The following SLC44A3 variants were observed in gnomAD, a reference collection of about 807,000 sequenced individuals.
SLC44A3 encodes the protein solute carrier family 44 member 3, also known as choline transporter-like protein 3.
A neutral mutation model predicts 75.4 loss-of-function variants in SLC44A3; 74 were observed. That is an observed-to-expected ratio of 0.98 (90% CI 0.81 to 1.19). SLC44A3 has a LOEUF of 1.19. Among genes scored for constraint, SLC44A3 ranks in the 50% most tolerant of loss-of-function variants. SLC44A3 has a pLI of 0.00. For missense variants in SLC44A3, 700 were observed against 778.6 expected, an observed-to-expected ratio of 0.90 and a Z score of 1.20; for synonymous variants, 310 against 296.9, an observed-to-expected ratio of 1.04 and a Z score of -0.45.
In SLC44A3 at chr1:94,865,395, A is replaced by C. The variant is rs988155978; in HGVS notation, c.1395+496A>C. The stretch of plus-strand genomic sequence containing the variant: ...TGGTGTGTGTGAGGAAGAACGAGGG[A>C]GAAAAGGAGAGGGTTTGAATGAGAG... On this transcript the variant is annotated intron_variant, in intron 11 of 14. Coordinates refer to ENST00000271227, the MANE Select transcript of SLC44A3 (RefSeq NM_001114106.3). Among the ~76,000 whole-genome samples the C allele has an allele frequency of 1.1e-4, 16 of 152,186 alleles. 1 individual carries two copies. In the Middle Eastern group the frequency reaches 0.01, roughly 97 times the overall value.
intron 12 of SLC44A3, among the ~76,000 whole-genome samples, chr1:94,884,161 C>T (rs1009046557): frequency 2.6e-5 from 4 of 152,224 alleles, no homozygotes; most frequent in African/African-American, 4.8e-5. Flanking sequence ...TCATGTTTGT[C>T]CTTCCTTCTT....
chr1:94,852,390 A>C (rs940996446), intron 9 of SLC44A3, among the ~76,000 whole-genome samples: 1 of 152,222 alleles, frequency 6.6e-6, no homozygotes, highest in African/African-American at 2.4e-5. Flanking sequence ...GTGCAGAGCC[A>C]TAAGACCATC....
intron 12 of SLC44A3, among the ~76,000 whole-genome samples, chr1:94,872,374 G>A (rs1448736972): frequency 1.3e-5 from 2 of 152,020 alleles, no homozygotes; most frequent in Non-Finnish European, 1.5e-5. Flanking sequence ...GGAATTACAG[G>A]TGTGAGCCAC....
At chr1:94,820,609 C>G in intron 1 of SLC44A3, 131 bp downstream of exon 1, 1 of 1,372,172 alleles carries the variant, frequency 7.3e-7, no homozygotes, top group Non-Finnish European at 9.4e-7. Flanking sequence ...CCGCTTAGTA[C>G]CTTGGGGCCA....
chr1:94,893,627 C>T (rs1176970323), intron 14 of SLC44A3, among the ~76,000 whole-genome samples: 5 of 152,034 alleles, frequency 3.3e-5, no homozygotes, highest in Admixed American at 1.3e-4. Context: ...CCATCTGCCT[C>T]GGCCTCCCAC....
rs1347516903 is a variant in SLC44A3 at position 94,883,685 on chromosome 1, T to TA, written c.1483-7438dup. ...ACTGCCTAAACTTAAAACCCTATGT[T>TA]AAAAAAACAATAAGTACTCTAACTT... On this transcript the variant is annotated intron_variant, in intron 12 of 14. Transcript: ENST00000271227. Among the ~76,000 whole-genome samples the TA allele has an allele frequency of 8.5e-5, 13 of 152,292 alleles. No homozygotes were observed. The East Asian group carries it at 1.4e-3, about 16-fold the overall frequency.
intron 11 of SLC44A3, among the ~76,000 whole-genome samples, chr1:94,865,268 A>C (rs1182519275): frequency 6.6e-6 from 1 of 152,160 alleles, no homozygotes; most frequent in Non-Finnish European, 1.5e-5. Context: ...TTTTAAGTAA[A>C]AAAATATACC....
chr1:94,828,655 C>T, intron 5 of SLC44A3, 69 bp downstream of exon 5: 1 of 1,357,646 alleles, frequency 7.4e-7, no homozygotes, highest in Admixed American at 1.8e-5. Flanking sequence ...GCATCTGTTA[C>T]TCTTCTAGGC....
intron 12 of SLC44A3, among the ~76,000 whole-genome samples, chr1:94,876,998 G>T (rs758464677): frequency 6.6e-6 from 1 of 151,922 alleles, no homozygotes; most frequent in African/African-American, 2.4e-5. Flanking sequence ...CTGCCTTGAT[G>T]TGCTAGCACT....
intron 4 of SLC44A3, 116 bp downstream of exon 4, chr1:94,827,759 T>C (rs1661565553): frequency 4.7e-6 from 6 of 1,266,858 alleles, no homozygotes; most frequent in Non-Finnish European, 6.6e-6. Flanking sequence ...TTTTACTTCC[T>C]TGTGGGTGCC....
intron 12 of SLC44A3, among the ~76,000 whole-genome samples, chr1:94,887,382 C>G (rs1184983455): frequency 6.6e-6 from 1 of 152,034 alleles, no homozygotes; most frequent in African/African-American, 2.4e-5. Context: ...CTGTTGCACT[C>G]AGGGTTGAAT....
intron 12 of SLC44A3, chr1:94,888,615 A>G (rs2101661331): frequency 1.0e-6 from 1 of 979,986 alleles, no homozygotes; most frequent in Admixed American, 6.1e-5. Context: ...TGTAAGTCCA[A>G]AACCAAAATT....
intron 4 of SLC44A3, 54 bp downstream of exon 4, chr1:94,827,697 G>A: frequency 6.3e-7 from 1 of 1,585,742 alleles, no homozygotes; most frequent in South Asian, 1.1e-5. Context: ...AAGCTGTGGG[G>A]ACCTAGATGA....
intron 12 of SLC44A3, among the ~76,000 whole-genome samples, chr1:94,875,273 G>A (rs374526261): frequency 3.3e-5 from 5 of 152,298 alleles, no homozygotes; most frequent in African/African-American, 1.2e-4. Context: ...CCCAAAGCCA[G>A]GGAAATCAAG....
chr1:94,842,970 G>GGGAGT (rs1417692768), intron 8 of SLC44A3: 1 of 152,272 alleles, frequency 6.6e-6, no homozygotes, highest in Non-Finnish European at 1.5e-5. Flanking sequence ...AAATGTGCCA[G>GGGAGT]GGAGTAAGGG....
At chr1:94,823,055 C>T (rs1180908085) in intron 2 of SLC44A3, among the ~76,000 whole-genome samples, 1 of 152,026 alleles carries the variant, frequency 6.6e-6, no homozygotes, top group Non-Finnish European at 1.5e-5. Context: ...CTCAGGAATC[C>T]TCAGAAACCA....
At chr1:94,870,381 A>T (rs1030748244) in intron 12 of SLC44A3, among the ~76,000 whole-genome samples, 1 of 152,228 alleles carries the variant, frequency 6.6e-6, no homozygotes, top group Non-Finnish European at 1.5e-5. Flanking sequence ...GCCAGGGGCC[A>T]GTAAGTGGTA....
chr1:94,864,773 C>T lies in SLC44A3; in HGVS notation c.1269C>T (p.Ile423=). 1 of 1,613,966 alleles carries T rather than the reference C, an allele frequency of 6.2e-7. No individual in the cohort carries two copies. Among genetic ancestry groups the T allele is most frequent in the Non-Finnish European group, 8.5e-7 (1 of 1,179,906 alleles). The part of the protein sequence containing the change: ...RSKNDPPDHP[I]LSSLSILFFY... Reference sequence around the variant, plus strand: ...AAAATGATCCTCCTGATCATCCCATCCTTTCGTCTCTCTCCATTCTCTTCT... The same window carrying T: ...AAAATGATCCTCCTGATCATCCCATTCTTTCGTCTCTCTCCATTCTCTTCT... The change falls in exon 11 of 15, where the codon ATC becomes ATT. Residue 423 remains isoleucine (I), a synonymous_variant. Transcript: ENST00000271227.
Position 94,895,110 on chromosome 1 carries a change from C to CT in SLC44A3, c.*195dup, listed in dbSNP as rs548376722. 3.2e-4 allele frequency: 169 copies of CT among 524,736 alleles called. No homozygotes were observed. The highest frequency in any genetic ancestry group is 3.0e-3 in the Middle Eastern group (6 of 1,978). 32.5% of individuals were successfully genotyped at this position (524,736 alleles called of 1,614,324 possible). On this transcript the variant is annotated 3_prime_UTR_variant, in exon 15 of 15. Coordinates refer to ENST00000271227, the MANE Select transcript of SLC44A3 (RefSeq NM_001114106.3). ...CAATACTGGAACTATATTAGTTTAC[C>CT]TTTTTTTGTACAAATTAGGACAGAA...
Sources: gnomAD v4.1 joint callset for allele counts (sites outside exome capture counted in the v4.1 genomes callset) on GRCh38, gnomAD v4.1.1 for gene constraint, MANE v1.5 for transcripts, NCBI Gene and HGNC (gene_info 2026-07-23, HGNC 2026-07-21) for gene names.